The following MAP3K19 variants were observed in gnomAD, a reference collection of about 807,000 sequenced individuals.
The protein encoded by MAP3K19 is SPS1/STE20-related protein kinase YSK4.
Under a neutral mutation model 114.4 loss-of-function variants are expected in MAP3K19, and 91 were observed. The ratio of observed to expected loss-of-function variants is 0.80; its 90% CI spans 0.67 to 0.95. The LOEUF is 0.95. MAP3K19 is among the 40% of genes least tolerant of loss of function. The probability of loss-of-function intolerance (pLI) is 0.00; values close to 1 mark genes in which losing one functional copy is unlikely to be tolerated. For missense variants in MAP3K19, 1,471 were observed against 1,573.2 expected (o/e 0.94, Z 1.10); for synonymous variants, 518 against 530.5 (o/e 0.98, Z 0.32).
chr2:135,024,851 G>A, intron 3 of MAP3K19, 110 bp from the exon 4 acceptor site: 1 of 515,032 alleles, frequency 1.9e-6, no homozygotes, highest in South Asian at 3.0e-5. Flanking sequence ...GTAATCTTAT[G>A]TAGTTTGGGG....
chr2:134,989,225 T>G (rs1685385320), intron 9 of MAP3K19, among the ~76,000 whole-genome samples: 1 of 152,210 alleles, frequency 6.6e-6, no homozygotes, highest in African/African-American at 2.4e-5. Context: ...ATATTAAACT[T>G]TGCGGGCAGT....
At chr2:135,007,922 A>G (rs1023214969) in intron 5 of MAP3K19, among the ~76,000 whole-genome samples, 1 of 152,256 alleles carries the variant, frequency 6.6e-6, no homozygotes, top group African/African-American at 2.4e-5. Context: ...ACAACCAAAG[A>G]GCAAACACTG....
In MAP3K19 at chr2:134,988,394, C is replaced by A. The variant is rs907101623; in HGVS notation, c.619-141G>T. ...CAAAGCTATCCTGGAAATCACAATT[C>A]TTTTTTTTCTTCTTGAGACAAGATC... On this transcript the variant is annotated intron_variant, in intron 9 of 12. Transcript: ENST00000392915. The A allele has an allele frequency of 5.4e-5, 39 of 724,876 alleles. No individual in the cohort carries two copies. The African/African-American group carries it at 6.2e-4, about 12-fold the overall frequency. The allele number at this position is 724,876 out of a possible 1,614,324, so 44.9% of individuals were successfully genotyped here.
intron 3 of MAP3K19, among the ~76,000 whole-genome samples, chr2:135,026,354 G>A (rs984361350): frequency 6.6e-5 from 10 of 152,184 alleles, no homozygotes; most frequent in Admixed American, 2.6e-4. Flanking sequence ...TGACGTCCAG[G>A]AATCTCCACT....
In MAP3K19 at chr2:134,987,359, G is replaced by A. The variant is rs373709163; in HGVS notation, c.1513C>T (p.Leu505Phe). The change falls in exon 10 of 13, where the codon CTC becomes TTC. Residue 505 changes from leucine to phenylalanine, a missense_variant. Transcript: ENST00000392915. ...TGAATGGTTCCCTTTCTTGTTTGGA[G>A]GCTTGGTTTGGCTATCACTGGTTCC... ...PKEPVIAKPS[L>F]QTRKGTIHNN... 6.2e-7 allele frequency: 1 copy of A among 1,614,092 alleles called. No homozygotes were observed. The highest frequency in any genetic ancestry group is 1.1e-5 in the South Asian group (1 of 91,076).
At chr2:135,024,811 A>G (rs1574046746) in intron 3 of MAP3K19, 70 bp from the exon 4 acceptor site, 3 of 609,658 alleles carry the variant, frequency 4.9e-6, no homozygotes, top group East Asian at 2.8e-5. Context: ...CTAATATGAG[A>G]GGGAAACATT....
chr2:134,983,139 T>A lies in MAP3K19; in HGVS notation c.3222+537A>T, dbSNP rs557296863. 3 of 521,912 alleles carry A rather than the reference T, an allele frequency of 5.7e-6. No individual in the cohort carries two copies. The East Asian group carries it at 1.7e-4, about 29-fold the overall frequency. The allele number at this position is 521,912 out of a possible 1,614,324, so 32.3% of individuals were successfully genotyped here. ...GTCACCCTACTGTGTTATCAAACAC[T>A]AGAACTTATTTCTTCTATCTGACTG... is the stretch of plus-strand genomic sequence containing the variant. On this transcript the variant is annotated intron_variant, in intron 11 of 12. Transcript: ENST00000392915.
intron 9 of MAP3K19, 36 bp downstream of exon 9, chr2:134,991,501 T>C (rs1191560730): frequency 2.5e-6 from 4 of 1,591,098 alleles, no homozygotes; most frequent in Non-Finnish European, 3.5e-6. Flanking sequence ...TGTTTGGTTT[T>C]AATTCTCAAG....
chr2:134,999,007 G>A lies in MAP3K19; in HGVS notation c.315-10C>T. On this transcript the variant is annotated splice_polypyrimidine_tract_variant and intron_variant, in intron 7 of 12. Coordinates refer to ENST00000392915, the MANE Select transcript of MAP3K19 (RefSeq NM_025052.5). This position sits in a 1 kb window ranked among gnomAD's most constrained non-coding sequence, Gnocchi z 4.1. The stretch of plus-strand genomic sequence containing the variant: ...CGATGAGTTTATCAGACTAAAGGGG[G>A]AGGGAAATGTTTGATTTAAAACTCA... 3 of 1,604,372 alleles carry A rather than the reference G, an allele frequency of 1.9e-6. No homozygotes were observed. Among genetic ancestry groups the A allele is most frequent in the Admixed American group, 1.7e-5 (1 of 57,754 alleles).
At chr2:135,018,428 C>T (rs1433427536) in intron 5 of MAP3K19, among the ~76,000 whole-genome samples, 1 of 152,022 alleles carries the variant, frequency 6.6e-6, no homozygotes, top group Non-Finnish European at 1.5e-5. Context: ...CCTCAATTTC[C>T]TGGGCTCAAG....
intron 8 of MAP3K19, among the ~76,000 whole-genome samples, chr2:134,993,304 G>A (rs1018179423): frequency 4.6e-5 from 7 of 152,330 alleles, no homozygotes; most frequent in Non-Finnish European, 1.0e-4. Context: ...CAGTAGAAAA[G>A]CCAATCCCAG....
intron 2 of MAP3K19, among the ~76,000 whole-genome samples, chr2:135,039,958 C>T (rs745396897): frequency 2.0e-5 from 3 of 152,158 alleles, no homozygotes; most frequent in African/African-American, 4.8e-5. Flanking sequence ...CCCTTTTAAG[C>T]CTTATTATTC....
rs1237318802 is a variant in MAP3K19, at chr2:134,986,984, G to C, written c.1888C>G (p.Leu630Val). ...NPGTQKSCVP[L>V]SVQPTEPRLN... Reference sequence around the variant, plus strand: ...CTTGGCTCTGTCGGTTGAACAGAGAGAGGAACACATGACTTCTGTGTTCCT... The same window carrying C: ...CTTGGCTCTGTCGGTTGAACAGAGACAGGAACACATGACTTCTGTGTTCCT... Residue 630 changes from leucine (L) to valine (V), a missense_variant, in exon 10 of 13, where the codon CTC (leucine) becomes GTC (valine). Physicochemically the swap from Leu to Val is conservative, Grantham distance 32. Coordinates refer to ENST00000392915, the MANE Select transcript of MAP3K19 (RefSeq NM_025052.5). 6.2e-7 allele frequency: 1 copy of C among 1,613,700 alleles called. No homozygotes were observed. The highest frequency in any genetic ancestry group is 1.1e-5 in the South Asian group (1 of 91,084).
At position 135,021,760 on chromosome 2, in the gene MAP3K19, A is replaced by G. The variant is rs773203179; in HGVS notation, c.93T>C (p.Val31=). Residue 31 remains valine (V), a synonymous_variant, in exon 5 of 13, where the codon GTT becomes GTC. Transcript: ENST00000392915. ...TNSSPTDLMT[V]TKNQNIILQS... is the part of the protein sequence containing the mutation. Reference sequence around the variant, plus strand: ...GCAAGATGATGTTTTGATTTTTGGTAACTGTCATCAAATCAGTTGGAGAAG... The same window carrying G: ...GCAAGATGATGTTTTGATTTTTGGTGACTGTCATCAAATCAGTTGGAGAAG... 6 of 1,613,072 alleles carry G rather than the reference A, an allele frequency of 3.7e-6. No homozygotes were observed. In the South Asian group the frequency reaches 6.6e-5, roughly 18 times the overall value.
intron 12 of MAP3K19, 113 bp from the exon 13 acceptor site, chr2:134,965,029 C>T: frequency 2.5e-6 from 2 of 806,560 alleles, no homozygotes; most frequent in Non-Finnish European, 4.0e-6. Flanking sequence ...GATAGTCAAA[C>T]AGACTTGGGT....
intron 5 of MAP3K19, among the ~76,000 whole-genome samples, chr2:135,021,106 C>T (rs1328206408): frequency 3.3e-5 from 5 of 152,004 alleles, no homozygotes; most frequent in Non-Finnish European, 5.9e-5. Flanking sequence ...CACAGGCACG[C>T]TCACCCAGAG....
chr2:134,996,943 A>G (rs1686034136), intron 8 of MAP3K19, among the ~76,000 whole-genome samples: 2 of 151,976 alleles, frequency 1.3e-5, no homozygotes, highest in Admixed American at 1.3e-4. Flanking sequence ...CAGCTACCCA[A>G]GAGGCTGAGG....
intron 12 of MAP3K19, among the ~76,000 whole-genome samples, chr2:134,971,308 G>A (rs1193987429): frequency 1.3e-5 from 2 of 152,106 alleles, no homozygotes; most frequent in African/African-American, 4.8e-5. Context: ...GTGCTGTTGG[G>A]TTAGGTTTGC....
intron 6 of MAP3K19, among the ~76,000 whole-genome samples, chr2:135,002,613 T>TAA (rs10556788): frequency 3.3e-5 from 3 of 89,898 alleles, no homozygotes; most frequent in Non-Finnish European, 6.2e-5. Flanking sequence ...ACACAGACTT[T>TAA]AAAAAAAAAA....
Sources: gnomAD v4.1 joint callset for allele counts (sites outside exome capture counted in the v4.1 genomes callset) on GRCh38, gnomAD v4.1.1 for gene constraint, Gnocchi (gnomAD v3.1) non-coding constraint, MANE v1.5 for transcripts, NCBI Gene and HGNC (gene_info 2026-07-23, HGNC 2026-07-21) for gene names.